The following PTPRN variants were observed in gnomAD, a reference collection of about 807,000 sequenced individuals.
PTPRN encodes the protein protein tyrosine phosphatase receptor type N.
A neutral mutation model predicts 108.5 loss-of-function variants in PTPRN; 70 were observed. The ratio of observed to expected loss-of-function variants is 0.65; its 90% CI spans 0.53 to 0.79. The LOEUF (loss-of-function observed/expected upper bound fraction) is 0.79, where lower values mean the gene tolerates loss of function less well. Among genes scored for constraint, PTPRN ranks in the 30% least tolerant of loss-of-function variants. The pLI is 0.00. For missense variants in PTPRN, 1,136 were observed against 1,295.5 expected, an observed-to-expected ratio of 0.88 and a Z score of 1.89; for synonymous variants, 496 against 524.6, an observed-to-expected ratio of 0.95 and a Z score of 0.75.
chr2:219,300,712 A>G (rs1559300809), intron 8 of PTPRN, among the ~76,000 whole-genome samples: 1 of 152,184 alleles, frequency 6.6e-6, no homozygotes, highest in Non-Finnish European at 1.5e-5. Flanking sequence ...ATGGTCTGAA[A>G]TGATTGTAGT....
At position 219,290,024 on chromosome 2, in the gene PTPRN, C is replaced by T. The variant is rs114325960; in HGVS notation, c.*202G>A. 21,323 of 598,330 alleles carry T rather than the reference C, an allele frequency of 0.036. 490 individuals are homozygous for T. Among genetic ancestry groups the T allele is most frequent in the Middle Eastern group, 0.063 (147 of 2,346 alleles). 37.1% of individuals were successfully genotyped at this position (598,330 alleles called of 1,614,324 possible). ...TGGCTGCAGCACCCCCATGGGATGC[C>T]CTGGGCTCTGGGATGCCCCAGGCTC... On this transcript the variant is annotated 3_prime_UTR_variant, in exon 23 of 23. Transcript: ENST00000295718. This position sits in a 1 kb window ranked among gnomAD's most constrained non-coding sequence, Gnocchi z 4.2.
At position 219,302,631 on chromosome 2, in the gene PTPRN, G is replaced by A; in HGVS notation, c.584C>T (p.Pro195Leu). 1 of 1,613,964 alleles carries A rather than the reference G, an allele frequency of 6.2e-7. No individual in the cohort carries two copies. The highest frequency in any genetic ancestry group is 8.5e-7 in the Non-Finnish European group (1 of 1,179,970). The stretch of plus-strand genomic sequence containing the variant: ...AGGTTCGTAACTCAGTGAAGGGTGG[G>A]GAGGCTGTGGGGGCAGCAGCAGGTG... ...LEHLLLPPQP[P>L]HPSLSYEPAL... Residue 195 changes from proline (P) to leucine (L), a missense_variant, in exon 5 of 23, where the codon CCC (proline) becomes CTC (leucine). Transcript: ENST00000295718.
chr2:219,299,602 G>T, intron 10 of PTPRN, 98 bp downstream of exon 10: 2 of 1,287,618 alleles, frequency 1.6e-6, no homozygotes, highest in Non-Finnish European at 2.2e-6. Flanking sequence ...TGAGCTCAGA[G>T]CTTGTCTGCT....
Position 219,297,147 on chromosome 2 carries a change from C to A in PTPRN, c.2089-15G>T. 6.2e-7 allele frequency: 1 copy of A among 1,613,282 alleles called. No homozygotes were observed. Among genetic ancestry groups the A allele is most frequent in the Non-Finnish European group, 8.5e-7 (1 of 1,179,576 alleles). On this transcript the variant is annotated splice_polypyrimidine_tract_variant and intron_variant, in intron 14 of 22. Coordinates refer to ENST00000295718, the MANE Select transcript of PTPRN (RefSeq NM_002846.4). The surrounding 1 kb of genome is among the most constrained non-coding windows in gnomAD (Gnocchi z 6.0). ...TCCATGTATGCCTGTGGGGGCACCACGGTCTGGCTCTGGCCCACACAGCCA... is the reference window on the plus strand; with the variant it reads ...TCCATGTATGCCTGTGGGGGCACCAAGGTCTGGCTCTGGCCCACACAGCCA...
chr2:219,307,652 C>A, intron 2 of PTPRN, 95 bp from the exon 3 acceptor site: 1 of 1,447,368 alleles, frequency 6.9e-7, no homozygotes, highest in South Asian at 1.2e-5. Context: ...ACTTTCTCCC[C>A]TACCTCTCCT....
Position 219,309,287 on chromosome 2 carries a change from G to A in PTPRN, c.46C>T (p.Leu16Phe). The A allele has an allele frequency of 1.3e-6, 2 of 1,530,604 alleles. 1 individual carries two copies. The allele number at this position is 1,530,604 out of a possible 1,614,324, so 94.8% of individuals were successfully genotyped here. The change falls in exon 1 of 23, where the codon CTC (leucine) becomes TTC (phenylalanine). Residue 16 changes from leucine to phenylalanine, a missense_variant. Physicochemically the swap from Leu to Phe is conservative, Grantham distance 22. Coordinates refer to ENST00000295718, the MANE Select transcript of PTPRN (RefSeq NM_002846.4). ...AGCAGGAGGCAGAGGAGCAGCCGGA[G>A]ACCCCCGGATCCCCCGAGACCCCCA... ...RPGGLGGSGGLRLLLCLLLLS... is the reference protein window; with the variant it reads ...RPGGLGGSGGFRLLLCLLLLS...
At position 219,308,693 on chromosome 2, in the gene PTPRN, G is replaced by A. The variant is rs143551048; in HGVS notation, c.115+525C>T. On this transcript the variant is annotated intron_variant, in intron 1 of 22. Coordinates refer to ENST00000295718, the MANE Select transcript of PTPRN (RefSeq NM_002846.4). ...CTTCATCCTCTTCTGCCCCCTCCCC[G>A]TGCTGTCCCCCGTTACAGGAGATCA... 2.1e-3 allele frequency among the ~76,000 whole-genome samples: 325 copies of A among 151,288 alleles called. 3 individuals carry two copies. The highest frequency in any genetic ancestry group is 7.6e-3 in the African/African-American group (315 of 41,276).
chr2:219,290,683 C>T lies in PTPRN; in HGVS notation c.2795-72G>A. 1 of 1,491,026 alleles carries T rather than the reference C, an allele frequency of 6.7e-7. No homozygotes were observed. 92.4% of individuals were successfully genotyped at this position (1,491,026 alleles called of 1,614,324 possible). A position where few individuals can be genotyped will look rare whatever the true frequency, so the allele number is the denominator to read the frequency against. On this transcript the variant is annotated intron_variant, in intron 21 of 22. Transcript: ENST00000295718. This position sits in a 1 kb window ranked among gnomAD's most constrained non-coding sequence, Gnocchi z 4.2. Reference sequence around the variant, plus strand: ...AGGACAGGACCCAGAAAACCTGAGGCCTCCTGGAGGCAAAGAGCCTTGGAG... The same window carrying T: ...AGGACAGGACCCAGAAAACCTGAGGTCTCCTGGAGGCAAAGAGCCTTGGAG...
At chr2:219,299,576 C>T in intron 10 of PTPRN, 124 bp downstream of exon 10, 2 of 1,181,006 alleles carry the variant, frequency 1.7e-6, no homozygotes, top group Non-Finnish European at 2.4e-6. Context: ...ACCTTCAGTA[C>T]AGCTGGGAGC....
chr2:219,303,672 A>G (rs1350196811), intron 4 of PTPRN, 63 bp downstream of exon 4: 7 of 1,496,658 alleles, frequency 4.7e-6, no homozygotes, highest in South Asian at 2.3e-5. Flanking sequence ...CTCTCCATCA[A>G]TTAGGACAAC....
intron 12 of PTPRN, among the ~76,000 whole-genome samples, chr2:219,298,786 G>T (rs1006036852): frequency 6.6e-6 from 1 of 152,240 alleles, no homozygotes; most frequent in Non-Finnish European, 1.5e-5. Flanking sequence ...TGGAGACTGC[G>T]CTCCAGCAGA....
At chr2:219,308,378 C>T (rs181852699) in intron 1 of PTPRN, 12 of 169,952 alleles carry the variant, frequency 7.1e-5, no homozygotes, top group East Asian at 5.2e-4. Flanking sequence ...GCCTTGGAGG[C>T]GGTTACCAGA....
intron 8 of PTPRN, 21 bp from the exon 9 acceptor site, chr2:219,300,280 G>A (rs1177414542): frequency 1.9e-6 from 3 of 1,541,138 alleles, no homozygotes; most frequent in Middle Eastern, 4.1e-4. Context: ...GAGGGTGGAG[G>A]TGTGGCCTCT....
At position 219,290,709 on chromosome 2, in the gene PTPRN, G is replaced by T; in HGVS notation, c.2795-98C>A. The T allele has an allele frequency of 6.7e-7, 1 of 1,488,188 alleles. No homozygotes were observed. The highest frequency in any genetic ancestry group is 9.3e-7 in the Non-Finnish European group (1 of 1,076,086). The allele number at this position is 1,488,188 out of a possible 1,614,324, so 92.2% of individuals were successfully genotyped here. ...CTCCTGGAGGCAAAGAGCCTTGGAG[G>T]GCTGGGCAGAGCCTGGAGGTTGACA... is the stretch of plus-strand genomic sequence containing the variant. On this transcript the variant is annotated intron_variant, in intron 21 of 22. Coordinates refer to ENST00000295718, the MANE Select transcript of PTPRN (RefSeq NM_002846.4). This position sits in a 1 kb window ranked among gnomAD's most constrained non-coding sequence, Gnocchi z 4.2.
chr2:219,298,095 C>T lies in PTPRN; in HGVS notation c.1677G>A (p.Glu559=). Residue 559 remains glutamate (E), a synonymous_variant, in exon 13 of 23, where the codon GAG becomes GAA. Transcript: ENST00000295718. The part of the protein sequence containing the change: ...ILQTGVGQRE[E]AAAVLPQTAH... ...CAGTTTGGGGAAGGACTGCAGCTGC[C>T]TCCTCCCTCTGTGGGAACAAGGCTA... 1 of 1,612,520 alleles carries T rather than the reference C, an allele frequency of 6.2e-7. No homozygotes were observed. Among genetic ancestry groups the T allele is most frequent in the Non-Finnish European group, 8.5e-7 (1 of 1,179,826 alleles).
At chr2:219,307,864 G>A (rs1239795496) in intron 1 of PTPRN, 22 bp from the exon 2 acceptor site, 2 of 1,613,042 alleles carry the variant, frequency 1.2e-6, no homozygotes, top group African/African-American at 1.3e-5. Flanking sequence ...AAGGTGAGCA[G>A]AGGCTCAGAC....
At position 219,290,505 on chromosome 2, in the gene PTPRN, G is replaced by C. The variant is rs1024218570; in HGVS notation, c.2868+33C>G. 6 of 1,540,284 alleles carry C rather than the reference G, an allele frequency of 3.9e-6. No homozygotes were observed. Among genetic ancestry groups the C allele is most frequent in the South Asian group, 3.6e-5 (3 of 83,736 alleles). ...AAGAAGTGGGTGCTAGGGAAGGGTG[G>C]GAGCTGGGGTTGGGGCAGGAAGGCA... On this transcript the variant is annotated intron_variant, in intron 22 of 22. Coordinates refer to ENST00000295718, the MANE Select transcript of PTPRN (RefSeq NM_002846.4). This position sits in a 1 kb window ranked among gnomAD's most constrained non-coding sequence, Gnocchi z 4.2.
Position 219,289,964 on chromosome 2 carries a change from G to C in PTPRN, c.*262C>G. 2.0e-6 allele frequency: 1 copy of C among 508,822 alleles called. No homozygotes were observed. Among genetic ancestry groups the C allele is most frequent in the South Asian group, 2.3e-5 (1 of 43,892 alleles). 31.5% of individuals were successfully genotyped at this position (508,822 alleles called of 1,614,324 possible). A position where few individuals can be genotyped will look rare whatever the true frequency, so the allele number is the denominator to read the frequency against. On this transcript the variant is annotated 3_prime_UTR_variant, in exon 23 of 23. Transcript: ENST00000295718. Reference sequence around the variant, plus strand: ...GGAATGTAGGCAGGAGAAGGCTCTGGGTAGAATTGCTACCCATGTCCTTTC... The same window carrying C: ...GGAATGTAGGCAGGAGAAGGCTCTGCGTAGAATTGCTACCCATGTCCTTTC...
At chr2:219,303,861 T>C (rs1440063009) in intron 3 of PTPRN, 30 bp from the exon 4 acceptor site, 5 of 1,563,048 alleles carry the variant, frequency 3.2e-6, no homozygotes, top group African/African-American at 1.4e-5. Context: ...CGTAAGTTGG[T>C]TCAGGAGTCT....
Sources: allele counts gnomAD v4.1 joint callset (sites outside exome capture counted in the v4.1 genomes callset), GRCh38; gene constraint gnomAD v4.1.1; non-coding constraint Gnocchi (gnomAD v3.1); transcripts MANE v1.5; gene names NCBI Gene and HGNC (gene_info 2026-07-23, HGNC 2026-07-21).